ZMYM2: variants seen among roughly 807,000 people sequenced by gnomAD.
ZMYM2 encodes zinc finger MYM-type protein 2.
Under a neutral mutation model 162.8 loss-of-function variants are expected in ZMYM2, and 56 were observed. That is an observed-to-expected ratio of 0.34 (90% CI 0.28 to 0.43). The LOEUF (loss-of-function observed/expected upper bound fraction) is 0.43. Among genes scored for constraint, ZMYM2 ranks in the 20% least tolerant of loss-of-function variants. The pLI is 1.00. For synonymous variants in ZMYM2, 510 were observed against 541.6 expected, an observed-to-expected ratio of 0.94 and a Z score of 0.81; for missense variants, 1,275 against 1,621.8, an observed-to-expected ratio of 0.79 and a Z score of 3.67.
chr13:19,917,208 C>G, the ZMYM2 span, among the ~76,000 whole-genome samples: 1 of 151,954 alleles, frequency 6.6e-6, no homozygotes, highest in Admixed American at 6.6e-5. Context: ...GTGATCCGCC[C>G]GCCTTGGCCT....
chr13:20,003,222 T>G (rs1413355788), intron 4 of ZMYM2, 87 bp downstream of exon 4: 1 of 1,431,148 alleles, frequency 7.0e-7, no homozygotes, highest in African/African-American at 1.4e-5. Flanking sequence ...TTGTAATACC[T>G]TTGGAAACTT....
intron 21 of ZMYM2, among the ~76,000 whole-genome samples, chr13:20,072,778 T>C (rs906464828): frequency 6.6e-6 from 1 of 152,172 alleles, no homozygotes; most frequent in Non-Finnish European, 1.5e-5. Flanking sequence ...TGTACCACTT[T>C]TAGCAATTTT....
chr13:19,922,717 G>T, the ZMYM2 span, among the ~76,000 whole-genome samples: 2 of 152,032 alleles, frequency 1.3e-5, no homozygotes, highest in Non-Finnish European at 2.9e-5. Context: ...GGTGGTGGGC[G>T]CCTGTAGTCC....
At chr13:19,880,575 C>T in the ZMYM2 span, among the ~76,000 whole-genome samples, 1 of 152,050 alleles carries the variant, frequency 6.6e-6, no homozygotes, top group Non-Finnish European at 1.5e-5. Flanking sequence ...GTTACAGGTG[C>T]ATGCCGCCAC....
At position 20,081,559 on chromosome 13, in the gene ZMYM2, A is replaced by G. The variant is rs1483328957; in HGVS notation, c.3454-457A>G. Among the ~76,000 whole-genome samples, 3 of 152,358 alleles carry G rather than the reference A, an allele frequency of 2.0e-5. No homozygotes were observed. The East Asian group carries it at 5.8e-4, about 29-fold the overall frequency. ...TCAGAGTGCTAGAAGAGAGCTTTCA[A>G]TAGCTACAGATAACATTTCCTCTCA... is the stretch of plus-strand genomic sequence containing the variant. On this transcript the variant is annotated intron_variant, in intron 21 of 24. Transcript: ENST00000610343.
At chr13:19,938,304 T>C in the ZMYM2 span, among the ~76,000 whole-genome samples, 1 of 151,970 alleles carries the variant, frequency 6.6e-6, no homozygotes, top group Non-Finnish European at 1.5e-5. Context: ...GTCAGGAGTT[T>C]GAAACCAGCC....
At chr13:19,906,190 G>A in the ZMYM2 span, among the ~76,000 whole-genome samples, 4 of 149,962 alleles carry the variant, frequency 2.7e-5, no homozygotes, top group Admixed American at 6.7e-5. Flanking sequence ...CAGGAGAATC[G>A]CTTGAACCTG....
At chr13:19,987,132 A>AT (rs1555287706) in intron 2 of ZMYM2, among the ~76,000 whole-genome samples, 1 of 147,166 alleles carries the variant, frequency 6.8e-6, no homozygotes, top group Non-Finnish European at 1.5e-5. Context: ...AAAAAAAAAA[A>AT]AAAAAAAATT....
At chr13:20,046,581 A>ATATGTGTGTGTGTGTG (rs1270115549) in intron 12 of ZMYM2, among the ~76,000 whole-genome samples, 6 of 117,512 alleles carry the variant, frequency 5.1e-5, no homozygotes, top group East Asian at 4.8e-4. Flanking sequence ...ATATATATAT[A>ATATGTGTGTGTGTGTG]TGTGTGTGTG....
At chr13:20,085,782 G>A (rs1184166691) in intron 24 of ZMYM2, 40 bp from the exon 25 acceptor site, 2 of 1,551,710 alleles carry the variant, frequency 1.3e-6, no homozygotes, top group Non-Finnish European at 1.7e-6. Context: ...TGGAAATTTT[G>A]TGAAATTGAC....
the ZMYM2 span, among the ~76,000 whole-genome samples, chr13:19,880,553 C>G: frequency 6.6e-6 from 1 of 152,106 alleles, no homozygotes; most frequent in Non-Finnish European, 1.5e-5. Flanking sequence ...CTCAGCCTCC[C>G]AAGTAGCTGG....
chr13:20,002,630 C>T (rs1950480254), intron 3 of ZMYM2, among the ~76,000 whole-genome samples: 1 of 152,072 alleles, frequency 6.6e-6, no homozygotes, highest in South Asian at 2.1e-4. Flanking sequence ...GTGCTGAGAA[C>T]ACTTAAAATC....
chr13:19,942,552 A>AAG, the ZMYM2 span, among the ~76,000 whole-genome samples: 3 of 151,626 alleles, frequency 2.0e-5, no homozygotes, highest in Non-Finnish European at 4.4e-5. Context: ...AAAAAAAAAA[A>AAG]AAAGAAAATT....
At chr13:19,979,810 G>A (rs895047805) in intron 2 of ZMYM2, among the ~76,000 whole-genome samples, 3 of 152,144 alleles carry the variant, frequency 2.0e-5, no homozygotes, top group Non-Finnish European at 4.4e-5. Context: ...GATCACCAGC[G>A]TCTCCCTGGA....
intron 2 of ZMYM2, among the ~76,000 whole-genome samples, chr13:19,982,476 T>TG (rs905530435): frequency 2.2e-4 from 34 of 151,794 alleles, no homozygotes; most frequent in African/African-American, 7.7e-4. Context: ...TTAGTAGAGA[T>TG]GGGGTTTCAC....
intron 16 of ZMYM2, 50 bp from the exon 17 acceptor site, chr13:20,061,003 A>C: frequency 5.8e-5 from 89 of 1,531,226 alleles, no homozygotes; most frequent in Non-Finnish European, 6.7e-5. Context: ...ATTTGGAAAA[A>C]TACCTTTTAA....
In ZMYM2 at chr13:20,051,441, G is replaced by A. The variant is rs754908791; in HGVS notation, c.2301G>A (p.Arg767=). The change falls in exon 13 of 25, where the codon AGG becomes AGA. Residue 767 remains arginine (R), a synonymous_variant. Transcript: ENST00000610343. ...TTCCTTTTTAAATTAAGGCTGCAAG[G>A]TGTGACTGTTGTAAATCTCAAGGAA... is the stretch of plus-strand genomic sequence containing the variant. ...KFQDWYYKAA[R]CDCCKSQGTL... 2.3e-5 allele frequency: 37 copies of A among 1,611,930 alleles called. No homozygotes were observed. Among genetic ancestry groups the A allele is most frequent in the Non-Finnish European group, 3.1e-5 (36 of 1,179,092 alleles).
intron 21 of ZMYM2, among the ~76,000 whole-genome samples, chr13:20,073,387 C>T (rs565667980): frequency 7.2e-5 from 11 of 152,154 alleles, no homozygotes; most frequent in Non-Finnish European, 1.5e-4. Flanking sequence ...CAATCCTTAG[C>T]TCATAGGTTT....
intron 14 of ZMYM2, among the ~76,000 whole-genome samples, chr13:20,057,094 T>C (rs952025179): frequency 6.6e-6 from 1 of 152,042 alleles, no homozygotes; most frequent in Admixed American, 6.6e-5. Flanking sequence ...ATTTTATTAA[T>C]GTTTGTTTTG....
Sources: allele counts gnomAD v4.1 joint callset (sites outside exome capture counted in the v4.1 genomes callset), GRCh38; gene constraint gnomAD v4.1.1; transcripts MANE v1.5; gene names NCBI Gene and HGNC (gene_info 2026-07-23, HGNC 2026-07-21).